Variants in CFI observed in about 807,000 individuals in gnomAD.
CFI encodes C3B/C4B inactivator.
A neutral mutation model predicts 78.8 loss-of-function variants in CFI; 66 were observed. The ratio of observed to expected loss-of-function variants is 0.84; its 90% CI spans 0.69 to 1.03. The LOEUF (loss-of-function observed/expected upper bound fraction) is 1.03. Ranked by LOEUF, CFI falls within the 50% of genes least tolerant of loss-of-function variation. The probability of loss-of-function intolerance (pLI) is 0.00; values close to 1 mark genes in which losing one functional copy is unlikely to be tolerated. For synonymous variants in CFI, 250 were observed against 232.6 expected, an observed-to-expected ratio of 1.07 and a Z score of -0.68; for missense variants, 706 against 704.5, an observed-to-expected ratio of 1.00 and a Z score of -0.02.
chr4:109,746,488 T>C lies in CFI; in HGVS notation c.1163A>G (p.His388Arg). The C allele has an allele frequency of 6.2e-7, 1 of 1,611,278 alleles. No individual in the cohort carries two copies. The highest frequency in any genetic ancestry group is 8.5e-7 in the Non-Finnish European group (1 of 1,178,552). The change falls in exon 11 of 13, where the codon CAT (histidine) becomes CGT (arginine). Residue 388 changes from histidine (H) to arginine (R), a missense_variant. By Grantham distance (29) the His-to-Arg change is conservative (BLOSUM62 0). Transcript: ENST00000394634. The part of the protein sequence containing the change: ...AAHCLRASKT[H>R]RYQIWTTVVD... ...TACTGTTGTCCATATTTGGTAACGA[T>C]GAGTTTTACTGGCTCTATAACAGAA...
chr4:109,753,985 A>T (rs1465365381), intron 7 of CFI, among the ~76,000 whole-genome samples: 1 of 145,938 alleles, frequency 6.9e-6, no homozygotes, highest in Non-Finnish European at 1.5e-5. Context: ...ATTTTAAAAT[A>T]TATATATATA....
At chr4:109,749,140 C>A (rs144151301) in intron 10 of CFI, 78 bp downstream of exon 10, 156 of 1,254,922 alleles carry the variant, frequency 1.2e-4, no homozygotes, top group Middle Eastern at 9.3e-4. Flanking sequence ...TTCAGATATG[C>A]TTTATCATCT....
intron 1 of CFI, among the ~76,000 whole-genome samples, chr4:109,789,579 T>C (rs1429084059): frequency 6.6e-6 from 1 of 152,004 alleles, no homozygotes; most frequent in Non-Finnish European, 1.5e-5. Flanking sequence ...AAAAATATCA[T>C]TCAAAAATTT....
At chr4:109,737,037 A>G (rs377671941), downstream of CFI, among the ~76,000 whole-genome samples, 5 of 152,244 alleles carry the variant, frequency 3.3e-5, no homozygotes, top group African/African-American at 1.2e-4. Context: ...CACTCAACAT[A>G]TCTAGAGTCA....
intron 1 of CFI, among the ~76,000 whole-genome samples, chr4:109,798,745 G>T (rs1305026203): frequency 1.3e-5 from 2 of 151,484 alleles, no homozygotes; most frequent in Non-Finnish European, 2.9e-5. Context: ...GGTTTGCTTT[G>T]GTTGCTTGGT....
Position 109,742,171 on chromosome 4 carries a change from A to C in CFI, c.1534+320T>G, listed in dbSNP as rs1358226852. On this transcript the variant is annotated intron_variant, in intron 12 of 12. Transcript: ENST00000394634. ...TTATCTATGATCTTCAATTTTACAA[A>C]TGAAGAAACCTGCTCAAGGTCACAT... The C allele has an allele frequency of 1.4e-5, 4 of 295,512 alleles. No homozygotes were observed. In the South Asian group the frequency reaches 1.9e-4, roughly 14 times the overall value. The allele number at this position is 295,512 out of a possible 1,614,324, so 18.3% of individuals were successfully genotyped here. A position where few individuals can be genotyped will look rare whatever the true frequency, so the allele number is the denominator to read the frequency against.
At chr4:109,756,697 T>C (rs1178388631) in intron 7 of CFI, among the ~76,000 whole-genome samples, 2 of 151,082 alleles carry the variant, frequency 1.3e-5, no homozygotes, top group Non-Finnish European at 2.9e-5. Flanking sequence ...CCATCTCCAC[T>C]AAAAATACAA....
At position 109,742,515 on chromosome 4, in the gene CFI, A is replaced by G; in HGVS notation, c.1510T>C (p.Tyr504His). The G allele has an allele frequency of 1.2e-6, 2 of 1,612,890 alleles. No individual in the cohort carries two copies. The highest frequency in any genetic ancestry group is 1.7e-6 in the Non-Finnish European group (2 of 1,178,878). The change falls in exon 12 of 13, where the codon TAT becomes CAT. Residue 504 changes from tyrosine (Y) to histidine (H), a missense_variant. Coordinates refer to ENST00000394634, the MANE Select transcript of CFI (RefSeq NM_000204.5). ...NCSKFYGNRFYEKEMECAGTY... is the reference protein window; with the variant it reads ...NCSKFYGNRFHEKEMECAGTY... ...CCTGCACATTCCATTTCTTTTTCAT[A>G]GAAACGATTTCCGTAAAACTTAGAG...
intron 7 of CFI, 80 bp from the exon 8 acceptor site, chr4:109,752,583 G>A (rs1307236572): frequency 3.2e-6 from 4 of 1,234,496 alleles, no homozygotes. Context: ...TTTAAACACT[G>A]ATTATAATTT....
intron 11 of CFI, 35 bp from the exon 12 acceptor site, chr4:109,742,630 A>G (rs761903385): frequency 3.2e-5 from 42 of 1,308,614 alleles, no homozygotes; most frequent in Non-Finnish European, 4.4e-5. Context: ...TTTAGAAGTC[A>G]CAAATGAGAA....
Position 109,764,669 on chromosome 4 carries a change from T to C in CFI, c.350A>G (p.Lys117Arg), listed in dbSNP as rs1727508775. 1.9e-6 allele frequency: 3 copies of C among 1,613,958 alleles called. No homozygotes were observed. The highest frequency in any genetic ancestry group is 2.5e-6 in the Non-Finnish European group (3 of 1,179,934). ...TCCCTCTGAATCTGTATTTCCATGC[T>C]TCAAGGAAACACTAAACTTTCCTAA... Reference protein sequence around the residue: ...TAEGKFSVSLKHGNTDSEGIV... With the variant: ...TAEGKFSVSLRHGNTDSEGIV... Residue 117 changes from lysine (K) to arginine (R), a missense_variant, in exon 3 of 13, where the codon AAG (lysine) becomes AGG (arginine). Lys to Arg is a conservative substitution (Grantham distance 26). Transcript: ENST00000394634.
chr4:109,740,464 C>T (rs1723656817), downstream of CFI, among the ~76,000 whole-genome samples: 1 of 152,120 alleles, frequency 6.6e-6, no homozygotes, highest in Non-Finnish European at 1.5e-5. Context: ...CTATGCCAAA[C>T]ATTTATGTAA....
At chr4:109,751,936 C>T (rs956805875) in intron 8 of CFI, among the ~76,000 whole-genome samples, 19 of 152,246 alleles carry the variant, frequency 1.2e-4, no homozygotes, top group East Asian at 5.8e-4. Context: ...CAGAATTTAA[C>T]GTAAGTCTGT....
intron 10 of CFI, among the ~76,000 whole-genome samples, chr4:109,748,734 G>T (rs879245700): frequency 6.6e-5 from 10 of 152,166 alleles, no homozygotes; most frequent in Admixed American, 5.2e-4. Flanking sequence ...GATTGGCAAA[G>T]GTTAGCAGAG....
intron 6 of CFI, among the ~76,000 whole-genome samples, chr4:109,759,894 A>C (rs1726810779): frequency 6.6e-6 from 1 of 151,048 alleles, no homozygotes; most frequent in Non-Finnish European, 1.5e-5. Flanking sequence ...ACTTCATCAC[A>C]AAAAAAGTAA....
intron 1 of CFI, among the ~76,000 whole-genome samples, chr4:109,800,845 AAT>A: frequency 6.6e-6 from 1 of 152,086 alleles, no homozygotes; most frequent in East Asian, 1.9e-4. Context: ...TATTTAGATA[AAT>A]ATGTCATTTC....
rs1026187949 is a variant in CFI, at chr4:109,746,273, G to A, written c.1378C>T (p.Leu460=). The A allele has an allele frequency of 2.0e-5, 33 of 1,614,072 alleles. No individual in the cohort carries two copies. Among genetic ancestry groups the A allele is most frequent in the Admixed American group, 3.3e-5 (2 of 60,002 alleles). ...IPACVPWSPY[L]FQPNDTCIVS... is the part of the protein sequence containing the mutation. ...ATGCATGTATCATTAGGTTGGAATA[G>A]GTAAGGAGACCAGGGGACACAGGCA... The change falls in exon 11 of 13, where the codon CTA becomes TTA. Residue 460 remains leucine, a synonymous_variant. Coordinates refer to ENST00000394634, the MANE Select transcript of CFI (RefSeq NM_000204.5).
At chr4:109,751,529 C>T (rs1399230184) in intron 8 of CFI, among the ~76,000 whole-genome samples, 1 of 149,650 alleles carries the variant, frequency 6.7e-6, no homozygotes, top group Non-Finnish European at 1.5e-5. Context: ...GCAACCTCCA[C>T]CTCCCGGGTT....
intron 8 of CFI, among the ~76,000 whole-genome samples, chr4:109,750,140 G>A (rs567145511): frequency 3.9e-5 from 6 of 152,046 alleles, no homozygotes; most frequent in Admixed American, 2.0e-4. Context: ...GGGATTACAG[G>A]CGCCCACCCC....
Sources: gnomAD v4.1 joint callset for allele counts (sites outside exome capture counted in the v4.1 genomes callset) on GRCh38, gnomAD v4.1.1 for gene constraint, MANE v1.5 for transcripts, NCBI Gene and HGNC (gene_info 2026-07-23, HGNC 2026-07-21) for gene names.